Variants in TSHZ2 observed in about 807,000 individuals in gnomAD.
TSHZ2 encodes teashirt homolog 2.
Under a neutral mutation model 74.4 loss-of-function variants are expected in TSHZ2, and 21 were observed. The observed-to-expected ratio is 0.28, with a 90% CI of 0.20 to 0.41. The LOEUF is 0.41. TSHZ2 is among the 10% of genes least tolerant of loss of function. The probability of loss-of-function intolerance (pLI) is 1.00; values close to 1 mark genes in which losing one functional copy is unlikely to be tolerated. For synonymous variants in TSHZ2, 540 were observed against 515.3 expected, an observed-to-expected ratio of 1.05 and a Z score of -0.65; for missense variants, 1,244 against 1,293.5, an observed-to-expected ratio of 0.96 and a Z score of 0.59.
intron 2 of TSHZ2, among the ~76,000 whole-genome samples, chr20:53,360,101 G>T (rs1980995476): frequency 6.6e-6 from 1 of 152,186 alleles, no homozygotes; most frequent in African/African-American, 2.4e-5. Context: ...CCATTTCATA[G>T]CCCTTGCTGA....
At chr20:53,265,558 T>C (rs1481150848) in intron 2 of TSHZ2, among the ~76,000 whole-genome samples, 2 of 152,184 alleles carry the variant, frequency 1.3e-5, no homozygotes, top group Admixed American at 6.5e-5. Context: ...AGCTGGACTT[T>C]CTTTTTCTGT....
At chr20:53,009,961 G>A (rs777169901) in intron 1 of TSHZ2, among the ~76,000 whole-genome samples, 11 of 152,058 alleles carry the variant, frequency 7.2e-5, no homozygotes, top group Admixed American at 1.3e-4. Flanking sequence ...CTTGTGTTTC[G>A]GGGATGATGT....
intron 1 of TSHZ2, among the ~76,000 whole-genome samples, chr20:52,979,311 T>C (rs1747383099): frequency 6.6e-6 from 1 of 152,166 alleles, no homozygotes; most frequent in South Asian, 2.1e-4. Flanking sequence ...GTAATAAAAA[T>C]TAGAGACTTC....
intron 1 of TSHZ2, among the ~76,000 whole-genome samples, chr20:53,019,689 T>C (rs189624585): frequency 1.1e-3 from 167 of 152,298 alleles, no homozygotes; most frequent in South Asian, 2.3e-3. Context: ...GTGGGCAAGT[T>C]GCCTACTTCC....
intron 1 of TSHZ2, among the ~76,000 whole-genome samples, chr20:52,985,145 A>G (rs531086871): frequency 2.0e-5 from 3 of 151,644 alleles, no homozygotes; most frequent in South Asian, 2.1e-4. Flanking sequence ...CCATTAGACA[A>G]CTCAGTCACT....
intron 2 of TSHZ2, among the ~76,000 whole-genome samples, chr20:53,384,147 C>T (rs565117566): frequency 6.6e-5 from 10 of 152,272 alleles, no homozygotes; most frequent in African/African-American, 2.4e-4. Flanking sequence ...ACCAGATTTC[C>T]CAGGAGCTGG....
At chr20:53,145,267 A>G (rs1987511683) in intron 1 of TSHZ2, among the ~76,000 whole-genome samples, 1 of 152,084 alleles carries the variant, frequency 6.6e-6, no homozygotes, top group African/African-American at 2.4e-5. Context: ...GAAGAAAGAG[A>G]GTTGGAGGAG....
intron 1 of TSHZ2, among the ~76,000 whole-genome samples, chr20:53,048,429 A>G (rs1984308576): frequency 1.3e-5 from 2 of 152,184 alleles, no homozygotes; most frequent in Admixed American, 1.3e-4. Flanking sequence ...TCTTTTGCCC[A>G]GGACTTGGCA....
chr20:53,452,467 A>C (rs1984830982), intron 2 of TSHZ2, among the ~76,000 whole-genome samples: 1 of 151,976 alleles, frequency 6.6e-6, no homozygotes, highest in African/African-American at 2.4e-5. Flanking sequence ...GGGCATGGTA[A>C]AGTGTACCTG....
At chr20:53,326,573 C>A (rs775005015) in intron 2 of TSHZ2, among the ~76,000 whole-genome samples, 1 of 152,064 alleles carries the variant, frequency 6.6e-6, no homozygotes, top group Admixed American at 6.6e-5. Context: ...TCTAGAAAGC[C>A]CCCCCGGCAA....
Position 53,488,952 on chromosome 20 carries a change from G to A in TSHZ2, c.*1817G>A, listed in dbSNP as rs764535345. The A allele has an allele frequency of 1.5e-5, 7 of 455,484 alleles. No individual in the cohort carries two copies. Among genetic ancestry groups the A allele is most frequent in the East Asian group, 6.9e-5 (1 of 14,400 alleles). 28.2% of individuals were successfully genotyped at this position (455,484 alleles called of 1,614,324 possible). ...TAACCTAGATGGGAAAAAATATGGC[G>A]CTTCGGGGAAGGAGGGAAAAAGTAA... On this transcript the variant is annotated 3_prime_UTR_variant, in exon 3 of 3. Coordinates refer to ENST00000371497, the MANE Select transcript of TSHZ2 (RefSeq NM_173485.6).
At chr20:53,068,226 G>T (rs551938747) in intron 1 of TSHZ2, among the ~76,000 whole-genome samples, 3 of 152,186 alleles carry the variant, frequency 2.0e-5, no homozygotes. Context: ...CTTTTCAGGG[G>T]ACACAGTTTA....
intron 2 of TSHZ2, among the ~76,000 whole-genome samples, chr20:53,474,939 A>T (rs946718516): frequency 2.8e-5 from 4 of 141,490 alleles, no homozygotes; most frequent in African/African-American, 1.1e-4. Flanking sequence ...AAAGGGATCA[A>T]TTGAACAAGA....
Position 53,281,421 on chromosome 20 carries a change from G to T in TSHZ2, c.*8+24850G>T, listed in dbSNP as rs1991059155. ...TTTGTCAAAAGGCCAGATAGTAAAT[G>T]TCTGAGGCTTTGTAGGCCATACAGT... On this transcript the variant is annotated intron_variant, in intron 2 of 2. Transcript: ENST00000371497. Among the ~76,000 whole-genome samples, 5 of 152,214 alleles carry T rather than the reference G, an allele frequency of 3.3e-5. No homozygotes were observed. In the South Asian group the frequency reaches 1.0e-3, roughly 32 times the overall value.
chr20:53,281,458 A>G (rs1334734626), intron 2 of TSHZ2, among the ~76,000 whole-genome samples: 2 of 152,244 alleles, frequency 1.3e-5, no homozygotes, highest in African/African-American at 4.8e-5. Context: ...TCTACTACAA[A>G]TCTTCAACTC....
chr20:53,153,001 GAGGTTGATAGGGATATTCC>G (rs1987709111), intron 1 of TSHZ2, among the ~76,000 whole-genome samples: 1 of 152,208 alleles, frequency 6.6e-6, no homozygotes, highest in Admixed American at 6.5e-5. Context: ...GTGTGGGAGA[GAGGTTGATAGGGATATTCC>G]AGGGAAAGGG....
chr20:53,354,261 A>C (rs773926153), intron 2 of TSHZ2, among the ~76,000 whole-genome samples: 7 of 152,210 alleles, frequency 4.6e-5, no homozygotes, highest in Non-Finnish European at 1.0e-4. Context: ...AAACATGAGG[A>C]GACATGGTGC....
intron 2 of TSHZ2, among the ~76,000 whole-genome samples, chr20:53,437,593 C>G (rs950879409): frequency 6.6e-6 from 1 of 152,230 alleles, no homozygotes; most frequent in African/African-American, 2.4e-5. Flanking sequence ...AATGCTAGAT[C>G]CAGTGCTTAA....
intron 2 of TSHZ2, among the ~76,000 whole-genome samples, chr20:53,326,571 G>GC (rs899372140): frequency 4.6e-5 from 7 of 152,026 alleles, no homozygotes; most frequent in Admixed American, 2.0e-4. Flanking sequence ...CCTCTAGAAA[G>GC]CCCCCCCGGC....
Sources: gnomAD v4.1 joint callset for allele counts (sites outside exome capture counted in the v4.1 genomes callset) on GRCh38, gnomAD v4.1.1 for gene constraint, MANE v1.5 for transcripts, NCBI Gene and HGNC (gene_info 2026-07-23, HGNC 2026-07-21) for gene names.